The following RNF220 variants were observed in gnomAD, a reference collection of about 807,000 sequenced individuals.
RNF220 encodes the protein E3 ubiquitin-protein ligase RNF220.
A neutral mutation model predicts 67.1 loss-of-function variants in RNF220; 7 were observed. The observed-to-expected ratio is 0.10, with a 90% confidence interval of 0.06 to 0.20. The LOEUF (loss-of-function observed/expected upper bound fraction) is 0.20, where lower values mean the gene tolerates loss of function less well. Among genes scored for constraint, RNF220 ranks in the 10% least tolerant of loss-of-function variants. RNF220 has a pLI of 1.00. For missense variants in RNF220, 565 were observed against 740.3 expected (o/e 0.76, Z 2.75); for synonymous variants, 270 against 283.2 (o/e 0.95, Z 0.47).
chr1:44,605,497 G>C (rs964493227), intron 2 of RNF220, among the ~76,000 whole-genome samples: 7 of 152,140 alleles, frequency 4.6e-5, no homozygotes, highest in African/African-American at 1.7e-4. Context: ...CTATTACTAT[G>C]ACTATTTTCT....
chr1:44,562,169 C>A (rs1487044505), intron 2 of RNF220, among the ~76,000 whole-genome samples: 2 of 151,950 alleles, frequency 1.3e-5, no homozygotes, highest in East Asian at 3.9e-4. Flanking sequence ...GGCAGCGGCA[C>A]CAGGAAGGAG....
intron 2 of RNF220, among the ~76,000 whole-genome samples, chr1:44,441,873 T>C (rs1249763541): frequency 6.6e-6 from 1 of 152,216 alleles, no homozygotes; most frequent in African/African-American, 2.4e-5. Context: ...CTTACAGTTC[T>C]TATGGGGAAC....
At chr1:44,441,793 A>C (rs1012593298) in intron 2 of RNF220, among the ~76,000 whole-genome samples, 1 of 152,198 alleles carries the variant, frequency 6.6e-6, no homozygotes, top group African/African-American at 2.4e-5. Context: ...TTGAGTACCT[A>C]CTATGTGCTA....
chr1:44,614,123 T>A (rs909187146), intron 2 of RNF220, 42 bp from the exon 3 acceptor site: 30 of 1,611,718 alleles, frequency 1.9e-5, no homozygotes, highest in Non-Finnish European at 2.5e-5. Flanking sequence ...CCTCCTGGAC[T>A]AGCCCAGCTT....
At chr1:44,481,432 A>G (rs58312463) in intron 2 of RNF220, among the ~76,000 whole-genome samples, 4,121 of 152,224 alleles carry the variant, frequency 0.027, 159 homozygotes, top group African/African-American at 0.079. Context: ...AAACTAACAC[A>G]AGAACAGAAA....
intron 2 of RNF220, among the ~76,000 whole-genome samples, chr1:44,552,803 T>G (rs1189349275): frequency 6.6e-6 from 1 of 151,918 alleles, no homozygotes; most frequent in Non-Finnish European, 1.5e-5. Flanking sequence ...TCTCTTGACC[T>G]CGTGATCCGC....
chr1:44,603,736 T>C (rs941545120), intron 2 of RNF220, among the ~76,000 whole-genome samples: 2 of 152,236 alleles, frequency 1.3e-5, no homozygotes, highest in Non-Finnish European at 2.9e-5. Flanking sequence ...GCTGCTCTCA[T>C]AGTCCTTGTT....
chr1:44,626,595 A>G (rs1423646532), intron 5 of RNF220, 197 bp downstream of exon 5: 2 of 584,912 alleles, frequency 3.4e-6, no homozygotes, highest in East Asian at 5.6e-5. Flanking sequence ...AAATAGATGG[A>G]TTTTAGGGAG....
At chr1:44,507,518 TG>T (rs1309880275) in intron 2 of RNF220, among the ~76,000 whole-genome samples, 4 of 151,402 alleles carry the variant, frequency 2.6e-5, no homozygotes, top group Non-Finnish European at 1.5e-5. Flanking sequence ...TCGTCAGTCC[TG>T]GGGTTGGTCG....
intron 2 of RNF220, among the ~76,000 whole-genome samples, chr1:44,550,667 A>T (rs530837090): frequency 6.6e-6 from 1 of 152,262 alleles, no homozygotes; most frequent in Non-Finnish European, 1.5e-5. Context: ...CCACATTCAT[A>T]CCTTACCTTA....
chr1:44,523,745 C>T (rs929217146), intron 2 of RNF220, among the ~76,000 whole-genome samples: 1 of 152,120 alleles, frequency 6.6e-6, no homozygotes, highest in African/African-American at 2.4e-5. Flanking sequence ...AGAGGGCTCC[C>T]GCCTCTGCTA....
intron 2 of RNF220, among the ~76,000 whole-genome samples, chr1:44,547,430 T>C (rs1056114837): frequency 6.6e-6 from 1 of 152,186 alleles, no homozygotes; most frequent in African/African-American, 2.4e-5. Flanking sequence ...TTAACATCTC[T>C]TCGCCTAACC....
Position 44,452,849 on chromosome 1 carries a change from A to C in RNF220, c.625+40127A>C, listed in dbSNP as rs536862334. Among the ~76,000 whole-genome samples, 3 of 152,244 alleles carry C rather than the reference A, an allele frequency of 2.0e-5. No individual in the cohort carries two copies. The South Asian group carries it at 6.2e-4, about 32-fold the overall frequency. On this transcript the variant is annotated intron_variant, in intron 2 of 14. Transcript: ENST00000361799. ...ATACTTTTCTTGACTGCTTTTATAC[A>C]TCTTCTCCCAGGTGAACTTTAGAAT...
chr1:44,546,329 T>C (rs1352186994), intron 2 of RNF220, among the ~76,000 whole-genome samples: 1 of 152,094 alleles, frequency 6.6e-6, no homozygotes, highest in Non-Finnish European at 1.5e-5. Flanking sequence ...AGAGGTCGCA[T>C]GGCTAGGACT....
chr1:44,513,015 C>A (rs974429839), intron 2 of RNF220, among the ~76,000 whole-genome samples: 45 of 152,194 alleles, frequency 3.0e-4, no homozygotes, highest in Non-Finnish European at 5.9e-5. Context: ...TTGCCTTTTG[C>A]TAGCAGCATC....
intron 2 of RNF220, among the ~76,000 whole-genome samples, chr1:44,510,269 G>A (rs1658877425): frequency 6.7e-6 from 1 of 150,266 alleles, no homozygotes; most frequent in South Asian, 2.1e-4. Context: ...AGAGAGAGGA[G>A]GGAGGGAGGG....
intron 2 of RNF220, among the ~76,000 whole-genome samples, chr1:44,458,091 T>C (rs1653383357): frequency 6.6e-6 from 1 of 151,886 alleles, no homozygotes; most frequent in African/African-American, 2.4e-5. Flanking sequence ...ACCCTCCCTC[T>C]ACACAAAATA....
intron 2 of RNF220, among the ~76,000 whole-genome samples, chr1:44,469,039 A>G (rs1215137199): frequency 1.3e-5 from 2 of 152,238 alleles, no homozygotes; most frequent in Non-Finnish European, 2.9e-5. Flanking sequence ...CAGAGAGTTT[A>G]TAAATCAGTC....
intron 5 of RNF220, 94 bp from the exon 6 acceptor site, chr1:44,632,249 G>C (rs1644164286): frequency 6.2e-7 from 1 of 1,613,550 alleles, no homozygotes; most frequent in Non-Finnish European, 8.5e-7. Context: ...AGCAGCTTTG[G>C]TCGGGGGTCC....
Sources: gnomAD v4.1 joint callset for allele counts (sites outside exome capture counted in the v4.1 genomes callset) on GRCh38, gnomAD v4.1.1 for gene constraint, MANE v1.5 for transcripts, NCBI Gene and HGNC (gene_info 2026-07-23, HGNC 2026-07-21) for gene names.